IMMP2L: variants seen among roughly 807,000 people sequenced by gnomAD.
IMMP2L encodes inner mitochondrial membrane peptidase subunit 2, also known as mitochondrial inner membrane protease subunit 2.
A neutral mutation model predicts 19.3 loss-of-function variants in IMMP2L; 18 were observed. That is an observed-to-expected ratio of 0.93 (90% confidence interval 0.64 to 1.38). IMMP2L has a LOEUF of 1.38. Among genes scored for constraint, IMMP2L ranks in the 40% most tolerant of loss-of-function variants. The pLI, the probability that IMMP2L is intolerant of heterozygous loss-of-function variation, is 0.00. For synonymous variants in IMMP2L, 76 were observed against 73.0 expected (o/e 1.04, Z -0.21); for missense variants, 233 against 218.2 (o/e 1.07, Z -0.43).
intron 3 of IMMP2L, among the ~76,000 whole-genome samples, chr7:111,054,241 A>G (rs929445636): frequency 6.6e-5 from 10 of 152,208 alleles, no homozygotes; most frequent in African/African-American, 2.4e-4. Flanking sequence ...ACTGAGACAG[A>G]AGATTTTTGA....
chr7:111,352,909 C>T (rs1008544188), intron 3 of IMMP2L, among the ~76,000 whole-genome samples: 3 of 152,170 alleles, frequency 2.0e-5, no homozygotes, highest in South Asian at 2.1e-4. Flanking sequence ...CTTTAAAGCA[C>T]TGGTCTTGCA....
At position 111,052,134 on chromosome 7, in the gene IMMP2L, G is replaced by T. The variant is rs368454040; in HGVS notation, c.240-88569C>A. Among the ~76,000 whole-genome samples the T allele has an allele frequency of 9.1e-4, 139 of 152,316 alleles. 1 individual carries two copies. The East Asian group carries it at 0.02, about 22-fold the overall frequency. Reference sequence around the variant, plus strand: ...ATGGCAGGCCCTGAAAGGAATCAAAGTATTTTATCCCAAAATATATTTCTT... The same window carrying T: ...ATGGCAGGCCCTGAAAGGAATCAAATTATTTTATCCCAAAATATATTTCTT... On this transcript the variant is annotated intron_variant, in intron 3 of 5. Transcript: ENST00000405709.
chr7:110,759,774 C>G (rs1798243314), intron 5 of IMMP2L, among the ~76,000 whole-genome samples: 1 of 152,042 alleles, frequency 6.6e-6, no homozygotes, highest in African/African-American at 2.4e-5. Flanking sequence ...CAATGAACTA[C>G]TGAAGTTATA....
intron 3 of IMMP2L, among the ~76,000 whole-genome samples, chr7:111,146,756 C>G (rs528220511): frequency 6.6e-6 from 1 of 151,946 alleles, no homozygotes; most frequent in Admixed American, 6.6e-5. Flanking sequence ...AAGAAAGAAA[C>G]GTTTTGAAAA....
intron 3 of IMMP2L, among the ~76,000 whole-genome samples, chr7:111,412,097 A>G (rs1412342086): frequency 6.6e-6 from 1 of 151,820 alleles, no homozygotes; most frequent in East Asian, 1.9e-4. Flanking sequence ...AGTAAGCTAT[A>G]AAATGACAAT....
intron 2 of IMMP2L, among the ~76,000 whole-genome samples, chr7:111,509,311 A>T (rs1273850495): frequency 1.3e-5 from 2 of 152,226 alleles, no homozygotes; most frequent in East Asian, 3.8e-4. Flanking sequence ...CCCAAGGACC[A>T]CAGCAGCTAC....
chr7:111,144,137 A>G (rs183610790), intron 3 of IMMP2L, among the ~76,000 whole-genome samples: 72 of 152,278 alleles, frequency 4.7e-4, no homozygotes, highest in African/African-American at 1.7e-3. Context: ...AGCCAAAACT[A>G]TGAGCACAAA....
intron 1 of IMMP2L, among the ~76,000 whole-genome samples, chr7:111,560,149 C>G (rs987327756): frequency 6.6e-6 from 1 of 152,034 alleles, no homozygotes; most frequent in African/African-American, 2.4e-5. Context: ...AAACAAGTAT[C>G]AAATTGTTAA....
rs541623251 is a variant in IMMP2L, at chr7:111,198,596, C to T, written c.240-235031G>A. ...GGAATCCATAACTATTCCCTAAACA[C>T]GCCCTGATAATTTCTGCTTTGATTC... On this transcript the variant is annotated intron_variant, in intron 3 of 5. Coordinates refer to ENST00000405709, the MANE Select transcript of IMMP2L (RefSeq NM_032549.4). 1.6e-4 allele frequency among the ~76,000 whole-genome samples: 24 copies of T among 152,276 alleles called. No homozygotes were observed. The South Asian group carries it at 3.3e-3, about 21-fold the overall frequency.
intron 3 of IMMP2L, among the ~76,000 whole-genome samples, chr7:111,221,357 T>C (rs959805024): frequency 2.6e-5 from 4 of 152,116 alleles, no homozygotes; most frequent in African/African-American, 9.7e-5. Flanking sequence ...CCCATATCTG[T>C]ACGTTATGAC....
chr7:110,760,972 G>A lies in IMMP2L; in HGVS notation c.409-97251C>T, dbSNP rs1177133742. Among the ~76,000 whole-genome samples, 3 of 152,068 alleles carry A rather than the reference G, an allele frequency of 2.0e-5. No individual in the cohort carries two copies. Among genetic ancestry groups the A allele is most frequent in the Non-Finnish European group, 2.9e-5 (2 of 68,018 alleles). On this transcript the variant is annotated intron_variant, in intron 5 of 5. Coordinates refer to ENST00000405709, the MANE Select transcript of IMMP2L (RefSeq NM_032549.4). The surrounding 1 kb of genome is among the most constrained non-coding windows in gnomAD (Gnocchi z 4.2). ...GAGAAAGCAAACATTGCAATGCAGCGATATCAGGTGAATTTGAAAAGCATC... is the reference window on the plus strand; with the variant it reads ...GAGAAAGCAAACATTGCAATGCAGCAATATCAGGTGAATTTGAAAAGCATC...
chr7:110,973,098 T>C (rs2129556862), intron 3 of IMMP2L, among the ~76,000 whole-genome samples: 1 of 151,998 alleles, frequency 6.6e-6, no homozygotes, highest in African/African-American at 2.4e-5. Flanking sequence ...GTAGATCTAT[T>C]GTACAGTGTG....
intron 5 of IMMP2L, among the ~76,000 whole-genome samples, chr7:110,849,259 A>T (rs1038162001): frequency 3.3e-5 from 5 of 152,156 alleles, no homozygotes; most frequent in African/African-American, 1.2e-4. Context: ...ACTAATTTTA[A>T]AAAAACTCAG....
intron 3 of IMMP2L, among the ~76,000 whole-genome samples, chr7:111,288,322 A>G (rs919593897): frequency 3.9e-5 from 6 of 152,170 alleles, no homozygotes; most frequent in Non-Finnish European, 8.8e-5. Flanking sequence ...AAGACCTAAA[A>G]CCATAAAAAC....
intron 3 of IMMP2L, among the ~76,000 whole-genome samples, chr7:111,418,659 T>A (rs1835175933): frequency 6.6e-6 from 1 of 151,844 alleles, no homozygotes; most frequent in East Asian, 1.9e-4. Flanking sequence ...TTTAAACCAC[T>A]AAGGCTTTTC....
chr7:111,124,536 G>C (rs1274642308), intron 3 of IMMP2L: 2 of 1,613,644 alleles, frequency 1.2e-6, no homozygotes, highest in South Asian at 2.2e-5. Flanking sequence ...CATCAACTGA[G>C]TATAAAATTT....
chr7:111,275,424 C>T (rs1363698722), intron 3 of IMMP2L, among the ~76,000 whole-genome samples: 1 of 152,158 alleles, frequency 6.6e-6, no homozygotes, highest in Non-Finnish European at 1.5e-5. Context: ...ACTAGCATTT[C>T]TATACTTGGG....
Position 110,669,102 on chromosome 7 carries a change from T to C in IMMP2L, c.409-5381A>G, listed in dbSNP as rs879415799. Among the ~76,000 whole-genome samples the C allele has an allele frequency of 4.8e-4, 69 of 142,388 alleles. No individual in the cohort carries two copies. The South Asian group carries it at 0.013, about 27-fold the overall frequency. 93.4% of individuals were successfully genotyped at this position (142,388 alleles called of 152,430 possible). ...GTGTGTGTGTGTGTATATGTATATA[T>C]ATATATAGAGAGAGAGAGAGAGAAA... is the stretch of plus-strand genomic sequence containing the variant. On this transcript the variant is annotated intron_variant, in intron 5 of 5. Coordinates refer to ENST00000405709, the MANE Select transcript of IMMP2L (RefSeq NM_032549.4).
At chr7:111,271,851 C>T (rs977414514) in intron 3 of IMMP2L, among the ~76,000 whole-genome samples, 5 of 152,110 alleles carry the variant, frequency 3.3e-5, no homozygotes, top group African/African-American at 1.2e-4. Flanking sequence ...TCAAGTTGTT[C>T]AAGCTTAGAA....
Sources: gnomAD v4.1 joint callset for allele counts (sites outside exome capture counted in the v4.1 genomes callset) on GRCh38, gnomAD v4.1.1 for gene constraint, Gnocchi (gnomAD v3.1) non-coding constraint, MANE v1.5 for transcripts, NCBI Gene and HGNC (gene_info 2026-07-23, HGNC 2026-07-21) for gene names.